MLH3: variants seen among roughly 807,000 people sequenced by gnomAD.
MLH3 encodes the protein DNA mismatch repair protein Mlh3.
Under a neutral mutation model 122.2 loss-of-function variants are expected in MLH3, and 82 were observed. The ratio of observed to expected loss-of-function variants is 0.67; its 90% CI spans 0.56 to 0.81. The LOEUF is 0.81. Among genes scored for constraint, MLH3 ranks in the 30% least tolerant of loss-of-function variants. MLH3 has a pLI of 0.00. For synonymous variants in MLH3, 524 were observed against 599.5 expected, an observed-to-expected ratio of 0.87 and a Z score of 1.84; for missense variants, 1,539 against 1,714.5, an observed-to-expected ratio of 0.90 and a Z score of 1.81.
chr14:75,037,940 C>T (rs1263189933), intron 6 of MLH3, among the ~76,000 whole-genome samples: 1 of 152,176 alleles, frequency 6.6e-6, no homozygotes, highest in East Asian at 1.9e-4. Flanking sequence ...ATGTCTGTCG[C>T]CCAGGCTGGA....
In MLH3 at chr14:75,049,378, C is replaced by T. The variant is rs781779034; in HGVS notation, c.278G>A (p.Arg93Gln). The change falls in exon 2 of 13, where the codon CGA becomes CAA. Residue 93 changes from arginine to glutamine, a missense_variant. Transcript: ENST00000355774. ...DLENPRFYGFRGEALANIADM... is the reference protein window; with the variant it reads ...DLENPRFYGFQGEALANIADM... ...AGCAATATTTGCCAAGGCCTCTCCTCGGAAACCATAAAACCTTGGATTCTC... is the reference window on the plus strand; with the variant it reads ...AGCAATATTTGCCAAGGCCTCTCCTTGGAAACCATAAAACCTTGGATTCTC... 2.2e-5 allele frequency: 35 copies of T among 1,613,918 alleles called. No individual in the cohort carries two copies. The highest frequency in any genetic ancestry group is 1.6e-4 in the Middle Eastern group (1 of 6,084).
chr14:75,038,967 C>T (rs1464694943), intron 5 of MLH3, among the ~76,000 whole-genome samples: 1 of 151,732 alleles, frequency 6.6e-6, no homozygotes, highest in Non-Finnish European at 1.5e-5. Flanking sequence ...ATGCCATTCT[C>T]CTGCCTCAGC....
At position 75,040,449 on chromosome 14, in the gene MLH3, C is replaced by CAAAAAAAAAA. The variant is rs36233766; in HGVS notation, c.3466-444_3466-435dup. 1.8e-3 allele frequency among the ~76,000 whole-genome samples: 63 copies of CAAAAAAAAAA among 35,606 alleles called. 6 individuals are homozygous for CAAAAAAAAAA. Among genetic ancestry groups the CAAAAAAAAAA allele is most frequent in the East Asian group, 2.7e-3 (3 of 1,126 alleles). The allele number at this position is 35,606 out of a possible 152,430, so 23.4% of individuals were successfully genotyped here. ...TGGGCGACACAGCAAGACTCTGTCA[C>CAAAAAAAAAA]AAAAAAAAAAAAAAAAAAAAAAAAA... is the stretch of plus-strand genomic sequence containing the variant. On this transcript the variant is annotated intron_variant, in intron 4 of 12. Transcript: ENST00000355774.
rs1401373251 is a variant in MLH3, at chr14:75,015,710, A to C, written c.*1372T>G. On this transcript the variant is annotated 3_prime_UTR_variant, in exon 13 of 13. Transcript: ENST00000355774. ...GTTCTTCAGGATTCCAATTACGTAA[A>C]TCTACAAGGATCCCCTTGAAAACAA... The C allele has an allele frequency of 4.6e-6, 1 of 216,378 alleles. No individual in the cohort carries two copies. Among genetic ancestry groups the C allele is most frequent in the African/African-American group, 2.3e-5 (1 of 43,676 alleles). The allele number at this position is 216,378 out of a possible 1,614,324, so 13.4% of individuals were successfully genotyped here.
intron 9 of MLH3, among the ~76,000 whole-genome samples, chr14:75,027,664 TAAAAAAAAAAAAA>T (rs56986784): frequency 1.3e-4 from 4 of 30,900 alleles, no homozygotes; most frequent in African/African-American, 1.3e-4. Flanking sequence ...TTTACTTCAG[TAAAAAAAAAAAAA>T]AAAAAAAAAA....
chr14:75,033,416 T>C lies in MLH3; in HGVS notation c.3715+3A>G. 6.2e-7 allele frequency: 1 copy of C among 1,613,996 alleles called. No individual in the cohort carries two copies. The highest frequency in any genetic ancestry group is 2.2e-5 in the East Asian group (1 of 44,880). On this transcript the variant is annotated splice_donor_region_variant and intron_variant, in intron 7 of 12. Coordinates refer to ENST00000355774, the MANE Select transcript of MLH3 (RefSeq NM_001040108.2). ...TTTTTTCTGGCTGCAAACAGATCCT[T>C]ACCAATGATAAGCTGCTCCAGACGT... is the stretch of plus-strand genomic sequence containing the variant.
In MLH3 at chr14:75,042,452, A is replaced by G; in HGVS notation, c.3306T>C (p.Phe1102=). ...ENGSQYRCQP[F]RSDLVLPFLP... is the part of the protein sequence containing the mutation. ...GGAAAGGAAGAACAAGGTCGCTTCTAAAAGGTTGACACCTGTACTGAGACC... is the reference window on the plus strand; with the variant it reads ...GGAAAGGAAGAACAAGGTCGCTTCTGAAAGGTTGACACCTGTACTGAGACC... The change falls in exon 3 of 13, where the codon TTT becomes TTC. Residue 1102 remains phenylalanine (F), a synonymous_variant. Coordinates refer to ENST00000355774, the MANE Select transcript of MLH3 (RefSeq NM_001040108.2). The G allele has an allele frequency of 6.2e-7, 1 of 1,614,102 alleles. No individual in the cohort carries two copies. The highest frequency in any genetic ancestry group is 8.5e-7 in the Non-Finnish European group (1 of 1,179,956).
Position 75,018,865 on chromosome 14 carries a change from C to T in MLH3, c.4206G>A (p.Pro1402=), listed in dbSNP as rs772429784. 1.1e-5 allele frequency: 17 copies of T among 1,614,002 alleles called. No individual in the cohort carries two copies. Among genetic ancestry groups the T allele is most frequent in the Admixed American group, 3.3e-5 (2 of 59,986 alleles). The change falls in exon 12 of 13, where the codon CCG becomes CCA. Residue 1402 remains proline (P), a synonymous_variant. Coordinates refer to ENST00000355774, the MANE Select transcript of MLH3 (RefSeq NM_001040108.2). ...QCAHGRPSML[P]LADIDHLEQE... ...GTTCCAAGTGGTCTATGTCAGCTAA[C>T]GGCAGCATAGAAGGTCTCCCGTGAG...
chr14:75,017,264 C>A, intron 12 of MLH3, 63 bp from the exon 13 acceptor site: 1 of 1,554,678 alleles, frequency 6.4e-7, no homozygotes, highest in Non-Finnish European at 8.8e-7. Context: ...ACAGGCTGGG[C>A]GAGGTGACTC....
intron 5 of MLH3, 110 bp from the exon 6 acceptor site, chr14:75,038,522 ACTC>A (rs975364122): frequency 7.7e-6 from 6 of 777,702 alleles, no homozygotes; most frequent in Non-Finnish European, 1.3e-5. Flanking sequence ...GCCTTATCAC[ACTC>A]CTTTCTTTGA....
At chr14:75,024,734 TC>T (rs754636171) in intron 9 of MLH3, among the ~76,000 whole-genome samples, 2 of 152,226 alleles carry the variant, frequency 1.3e-5, no homozygotes, top group Non-Finnish European at 2.9e-5. Context: ...TCTCTCCTGA[TC>T]AGCCTGACAT....
chr14:75,033,381 G>A, intron 7 of MLH3, 38 bp downstream of exon 7: 1 of 1,548,478 alleles, frequency 6.5e-7, no homozygotes, highest in Non-Finnish European at 8.9e-7. Context: ...ATTCTGCTGG[G>A]AGTCTCAAAT....
chr14:75,032,945 G>A (rs547260880), intron 7 of MLH3, among the ~76,000 whole-genome samples: 1 of 149,732 alleles, frequency 6.7e-6, no homozygotes, highest in Admixed American at 6.8e-5. Context: ...GGATAGAAAG[G>A]AGACTTTATT....
intron 1 of MLH3, chr14:75,050,969 T>C (rs1246446173): frequency 6.6e-6 from 1 of 152,238 alleles, no homozygotes; most frequent in Non-Finnish European, 1.5e-5. Context: ...TCAGGGCTCT[T>C]AACTGCAGAA....
chr14:75,021,105 G>T (rs1015458558), intron 11 of MLH3, among the ~76,000 whole-genome samples: 2 of 152,206 alleles, frequency 1.3e-5, no homozygotes, highest in Non-Finnish European at 2.9e-5. Context: ...TCGAACTCCT[G>T]ACCTCAGGTG....
rs559232507 is a variant in MLH3, at chr14:75,015,893, T to C, written c.*1189A>G. On this transcript the variant is annotated 3_prime_UTR_variant, in exon 13 of 13. Transcript: ENST00000355774. ...TTAAAAAATGAGGAAAATCATTCAA[T>C]TGATATAAAAGCCACTTTGAGCAGG... 8 of 230,426 alleles carry C rather than the reference T, an allele frequency of 3.5e-5. No homozygotes were observed. The highest frequency in any genetic ancestry group is 6.2e-5 in the East Asian group (1 of 16,186). 14.3% of individuals were successfully genotyped at this position (230,426 alleles called of 1,614,324 possible). A position where few individuals can be genotyped will look rare whatever the true frequency, so the allele number is the denominator to read the frequency against.
chr14:75,035,148 T>G (rs1891317702), intron 6 of MLH3, among the ~76,000 whole-genome samples: 1 of 151,844 alleles, frequency 6.6e-6, no homozygotes, highest in Admixed American at 6.6e-5. Flanking sequence ...CTGCAGATTT[T>G]GTAGTTACAC....
chr14:75,019,814 A>C (rs28757047), intron 11 of MLH3, among the ~76,000 whole-genome samples: 2,903 of 152,270 alleles, frequency 0.019, 56 homozygotes, highest in African/African-American at 0.045. Flanking sequence ...ATATTTATTA[A>C]GTATATACTT....
intron 2 of MLH3, among the ~76,000 whole-genome samples, chr14:75,043,990 G>A (rs566321947): frequency 9.3e-4 from 141 of 152,278 alleles, no homozygotes; most frequent in African/African-American, 3.2e-3. Context: ...TCAGGAGGCT[G>A]AGGCAGGAGA....
Sources: gnomAD v4.1 joint callset for allele counts (sites outside exome capture counted in the v4.1 genomes callset) on GRCh38, gnomAD v4.1.1 for gene constraint, MANE v1.5 for transcripts, NCBI Gene and HGNC (gene_info 2026-07-23, HGNC 2026-07-21) for gene names.